The following SUPT3H variants were observed in gnomAD, a reference collection of about 807,000 sequenced individuals.
SUPT3H encodes the protein SPT3 homolog, SAGA and STAGA complex component, also known as transcription initiation protein SPT3 homolog.
SUPT3H carries 44 observed loss-of-function variants against 44.3 expected under a neutral mutation model. The ratio of observed to expected loss-of-function variants is 0.99; its 90% CI spans 0.78 to 1.28. SUPT3H has a LOEUF of 1.28. Among genes scored for constraint, SUPT3H ranks in the 50% most tolerant of loss-of-function variants. The pLI is 0.00. For missense variants in SUPT3H, 380 were observed against 387.1 expected, an observed-to-expected ratio of 0.98 and a Z score of 0.15; for synonymous variants, 124 against 125.6, an observed-to-expected ratio of 0.99 and a Z score of 0.09.
chr6:44,955,328 T>C (rs1484503283), intron 7 of SUPT3H: 1 of 152,450 alleles, frequency 6.6e-6, no homozygotes, highest in Non-Finnish European at 1.5e-5. Context: ...GGGAAAGTTC[T>C]CAGCCCTGCT....
At chr6:45,090,095 C>A (rs575717548) in intron 3 of SUPT3H, among the ~76,000 whole-genome samples, 57 of 152,154 alleles carry the variant, frequency 3.7e-4, no homozygotes, top group Non-Finnish European at 1.0e-4. Flanking sequence ...GCATAAAATG[C>A]AAAAGCTCTG....
At chr6:45,196,687 C>CT (rs1816087304) in intron 2 of SUPT3H, among the ~76,000 whole-genome samples, 1 of 151,838 alleles carries the variant, frequency 6.6e-6, no homozygotes, top group African/African-American at 2.4e-5. Context: ...AAGGGAATAA[C>CT]TTTTTTCAGA....
intron 2 of SUPT3H, among the ~76,000 whole-genome samples, chr6:45,141,353 A>AG (rs1805161123): frequency 6.7e-6 from 1 of 150,216 alleles, no homozygotes; most frequent in Non-Finnish European, 1.5e-5. Context: ...AAAAAAAAAA[A>AG]AAAAAAAAAA....
At chr6:45,000,150 T>C (rs1360119234) in intron 6 of SUPT3H, among the ~76,000 whole-genome samples, 1 of 151,958 alleles carries the variant, frequency 6.6e-6, no homozygotes, top group East Asian at 1.9e-4. Context: ...TTGTAGTATA[T>C]AATTCTATCT....
intron 9 of SUPT3H, among the ~76,000 whole-genome samples, chr6:44,938,648 G>A (rs79413985): frequency 0.052 from 7,899 of 152,040 alleles, 711 homozygotes; most frequent in African/African-American, 0.18. Context: ...CACTGGATCT[G>A]TACAATGCTT....
chr6:45,281,100 A>T (rs1301700096), intron 2 of SUPT3H, among the ~76,000 whole-genome samples: 1 of 152,216 alleles, frequency 6.6e-6, no homozygotes, highest in Non-Finnish European at 1.5e-5. Context: ...ATCTTTAAAA[A>T]TTTATGAGGG....
chr6:45,355,297 T>A (rs1792937031), intron 2 of SUPT3H, among the ~76,000 whole-genome samples: 1 of 152,008 alleles, frequency 6.6e-6, no homozygotes, highest in African/African-American at 2.4e-5. Context: ...ATTTAATAAT[T>A]AAGGTGTTAA....
At chr6:44,946,373 T>C (rs1773344429) in intron 9 of SUPT3H, among the ~76,000 whole-genome samples, 1 of 152,218 alleles carries the variant, frequency 6.6e-6, no homozygotes, top group South Asian at 2.1e-4. Flanking sequence ...CCATAGATAG[T>C]GATTCCTCTG....
intron 2 of SUPT3H, among the ~76,000 whole-genome samples, chr6:45,199,214 A>G (rs2153624416): frequency 6.6e-6 from 1 of 151,414 alleles, no homozygotes; most frequent in South Asian, 2.1e-4. Context: ...TATATATGTG[A>G]TTAATGAATG....
intron 10 of SUPT3H, among the ~76,000 whole-genome samples, chr6:44,908,007 T>C (rs1766379362): frequency 1.3e-5 from 2 of 152,012 alleles, no homozygotes; most frequent in African/African-American, 4.8e-5. Context: ...CTTGAAAGAG[T>C]AGCAAGAAAT....
intron 3 of SUPT3H, among the ~76,000 whole-genome samples, chr6:45,034,443 A>G (rs962853344): frequency 1.3e-5 from 2 of 152,200 alleles, no homozygotes; most frequent in South Asian, 2.1e-4. Context: ...TTAGTGTCAT[A>G]TAAGTCTTTA....
At chr6:45,314,259 T>A (rs902188297) in intron 2 of SUPT3H, among the ~76,000 whole-genome samples, 4 of 152,058 alleles carry the variant, frequency 2.6e-5, no homozygotes, top group Non-Finnish European at 2.9e-5. Flanking sequence ...TTCTCACCAC[T>A]CCTCTTCAAC....
intron 2 of SUPT3H, among the ~76,000 whole-genome samples, chr6:45,126,235 G>A (rs1802411635): frequency 6.6e-6 from 1 of 152,174 alleles, no homozygotes. Flanking sequence ...TTAATAATGT[G>A]GCTGTGTACA....
intron 2 of SUPT3H, among the ~76,000 whole-genome samples, chr6:45,239,789 C>G (rs1445386269): frequency 6.6e-6 from 1 of 152,224 alleles, no homozygotes; most frequent in Non-Finnish European, 1.5e-5. Context: ...TTACTGGCAT[C>G]CCATATAATT....
chr6:45,253,291 A>C (rs1358000157), intron 2 of SUPT3H, among the ~76,000 whole-genome samples: 1 of 152,190 alleles, frequency 6.6e-6, no homozygotes, highest in East Asian at 1.9e-4. Flanking sequence ...ATTTACAAAG[A>C]ATTAGTCTGC....
intron 5 of SUPT3H, among the ~76,000 whole-genome samples, chr6:45,005,893 A>G (rs1264137039): frequency 6.6e-6 from 1 of 152,138 alleles, no homozygotes; most frequent in African/African-American, 2.4e-5. Context: ...TGTTCTGTAG[A>G]TATATTGAAA....
intron 2 of SUPT3H, among the ~76,000 whole-genome samples, chr6:45,166,204 G>T (rs1809812387): frequency 6.6e-6 from 1 of 152,132 alleles, no homozygotes; most frequent in Non-Finnish European, 1.5e-5. Flanking sequence ...GAGGTGACAA[G>T]ATGGCTTGCA....
chr6:44,959,218 G>A (rs1006119053), intron 7 of SUPT3H, among the ~76,000 whole-genome samples: 3 of 151,950 alleles, frequency 2.0e-5, no homozygotes, highest in African/African-American at 4.8e-5. Context: ...AAAACTTTAC[G>A]TCATGGATGT....
intron 6 of SUPT3H, among the ~76,000 whole-genome samples, chr6:44,998,744 TTA>T (rs1176678434): frequency 6.6e-6 from 1 of 151,980 alleles, no homozygotes; most frequent in Non-Finnish European, 1.5e-5. Context: ...ATAAATTTAA[TTA>T]TATGTCTTCT....
Sources: allele counts gnomAD v4.1 joint callset (sites outside exome capture counted in the v4.1 genomes callset), GRCh38; gene constraint gnomAD v4.1.1; transcripts MANE v1.5; gene names NCBI Gene and HGNC (gene_info 2026-07-23, HGNC 2026-07-21).